The following PDZD2 variants were observed in gnomAD, a reference collection of about 807,000 sequenced individuals.
PDZD2 encodes the protein PDZ domain-containing protein 2.
PDZD2 carries 90 observed loss-of-function variants against 220.7 expected under a neutral mutation model. The observed-to-expected ratio is 0.41, with a 90% CI of 0.34 to 0.49. The LOEUF (loss-of-function observed/expected upper bound fraction) is 0.49. Among genes scored for constraint, PDZD2 ranks in the 20% least tolerant of loss-of-function variants. PDZD2 has a pLI of 0.28. For synonymous variants in PDZD2, 1,375 were observed against 1,450.5 expected, an observed-to-expected ratio of 0.95 and a Z score of 1.18; for missense variants, 3,174 against 3,608.5, an observed-to-expected ratio of 0.88 and a Z score of 3.08.
Position 32,088,412 on chromosome 5 carries a change from C to T in PDZD2, c.4964C>T (p.Ser1655Leu), listed in dbSNP as rs767136487. Reference sequence around the variant, plus strand: ...GAGAAGGCCGCCTGCTTGCCAGGCTCATACACTTCAGGCCCAGACTCTTCC... The same window carrying T: ...GAGAAGGCCGCCTGCTTGCCAGGCTTATACACTTCAGGCCCAGACTCTTCC... Reference protein sequence around the residue: ...PREKAACLPGSYTSGPDSSQP... With the variant: ...PREKAACLPGLYTSGPDSSQP... The change falls in exon 20 of 25, where the codon TCA (serine) becomes TTA (leucine). Residue 1655 changes from serine to leucine, a missense_variant. Around this residue, in one of 4 missense-constraint regions of PDZD2, gnomAD observed 1,861 missense variants for 2,001.0 expected, o/e 0.93. Coordinates refer to ENST00000438447, the MANE Select transcript of PDZD2 (RefSeq NM_178140.4). The surrounding 1 kb of genome is among the most constrained non-coding windows in gnomAD (Gnocchi z 4.6). 3 of 1,614,040 alleles carry T rather than the reference C, an allele frequency of 1.9e-6. No individual in the cohort carries two copies. Among genetic ancestry groups the T allele is most frequent in the South Asian group, 1.1e-5 (1 of 91,072 alleles).
At position 31,761,486 on chromosome 5, in the gene PDZD2, G is replaced by A. The variant is rs551347982; in HGVS notation, c.-360-37403G>A. Reference sequence around the variant, plus strand: ...TAATTAGGAGAATGTTGGTATTCTCGGGGGAAAAAAAATGAGACTGTATTA... The same window carrying A: ...TAATTAGGAGAATGTTGGTATTCTCAGGGGAAAAAAAATGAGACTGTATTA... On this transcript the variant is annotated intron_variant, in intron 1 of 24. Transcript: ENST00000438447. Among the ~76,000 whole-genome samples, 80 of 151,582 alleles carry A rather than the reference G, an allele frequency of 5.3e-4. 1 individual carries two copies. In the South Asian group the frequency reaches 0.011, roughly 21 times the overall value.
intron 2 of PDZD2, among the ~76,000 whole-genome samples, chr5:31,825,292 C>T (rs969148258): frequency 1.3e-5 from 2 of 152,126 alleles, no homozygotes; most frequent in Non-Finnish European, 2.9e-5. Flanking sequence ...GAATGGCAGA[C>T]GTCAAGAGGA....
intron 1 of PDZD2, among the ~76,000 whole-genome samples, chr5:31,777,556 C>T (rs1752768783): frequency 6.6e-6 from 1 of 152,278 alleles, no homozygotes; most frequent in African/African-American, 2.4e-5. Flanking sequence ...CACGCGGGAT[C>T]CACTAGATGA....
At chr5:31,647,545 G>A (rs1310751309) in intron 1 of PDZD2, among the ~76,000 whole-genome samples, 2 of 152,140 alleles carry the variant, frequency 1.3e-5, no homozygotes, top group East Asian at 3.9e-4. Flanking sequence ...TCCTTGCACT[G>A]CTTCAGCCCA....
In PDZD2 at chr5:31,967,312, TG is replaced by T. The variant is rs1395238384; in HGVS notation, c.477-15842del. 3.9e-5 allele frequency among the ~76,000 whole-genome samples: 6 copies of T among 152,288 alleles called. No individual in the cohort carries two copies. In the South Asian group the frequency reaches 1.0e-3, roughly 26 times the overall value. On this transcript the variant is annotated intron_variant, in intron 2 of 24. Coordinates refer to ENST00000438447, the MANE Select transcript of PDZD2 (RefSeq NM_178140.4). ...TGAGATACATGGACCCACGGGAATC[TG>T]CCTTCTTTTAGAGTCACCTCTGAGG... is the stretch of plus-strand genomic sequence containing the variant.
intron 2 of PDZD2, among the ~76,000 whole-genome samples, chr5:31,964,816 C>T (rs562725860): frequency 6.6e-6 from 1 of 152,260 alleles, no homozygotes; most frequent in Admixed American, 6.5e-5. Flanking sequence ...CCCGGGTTCA[C>T]GCCATTCTCC....
intron 2 of PDZD2, among the ~76,000 whole-genome samples, chr5:31,922,710 C>T (rs1409649424): frequency 6.6e-6 from 1 of 152,082 alleles, no homozygotes; most frequent in Admixed American, 6.5e-5. Context: ...ACTCTGTCTA[C>T]CAGGCTGGAG....
chr5:32,011,007 T>G (rs1228648793), intron 6 of PDZD2, among the ~76,000 whole-genome samples: 2 of 39,854 alleles, frequency 5.0e-5, no homozygotes, highest in Admixed American at 3.4e-4. Flanking sequence ...CAAAAACCTC[T>G]CAAAAAAAAA....
chr5:31,821,562 G>C (rs1194882650), intron 2 of PDZD2, among the ~76,000 whole-genome samples: 1 of 152,036 alleles, frequency 6.6e-6, no homozygotes, highest in Non-Finnish European at 1.5e-5. Context: ...TGTATTTTTA[G>C]TAGAGACGGG....
chr5:31,849,267 A>G lies in PDZD2; in HGVS notation c.476+49543A>G, dbSNP rs571571335. On this transcript the variant is annotated intron_variant, in intron 2 of 24. Transcript: ENST00000438447. ...ACGCACACCCTTTTGAGTCAGACCA[A>G]ATGGGTTTGAATTAGGACTCCAGCA... Among the ~76,000 whole-genome samples, 3 of 152,154 alleles carry G rather than the reference A, an allele frequency of 2.0e-5. No individual in the cohort carries two copies. In the South Asian group the frequency reaches 6.2e-4, roughly 32 times the overall value.
rs556104468 is a variant in PDZD2, at chr5:31,674,244, C to T, written c.-361+34807C>T. On this transcript the variant is annotated intron_variant, in intron 1 of 24. Transcript: ENST00000438447. ...ATACAGTCTGTGAAAAGACAGGTAC[C>T]GGTCAGCAGTGAAGTTTCAGTCTAG... Among the ~76,000 whole-genome samples, 9 of 152,082 alleles carry T rather than the reference C, an allele frequency of 5.9e-5. No homozygotes were observed. The South Asian group carries it at 6.2e-4, about 11-fold the overall frequency.
At position 31,667,108 on chromosome 5, in the gene PDZD2, C is replaced by T. The variant is rs528081200; in HGVS notation, c.-361+27671C>T. On this transcript the variant is annotated intron_variant, in intron 1 of 24. Transcript: ENST00000438447. ...AAAACTAGCTGGGCGTGGTGGTGGG[C>T]GCCTGTAGTCCCAGCTACTCAGGAG... Among the ~76,000 whole-genome samples, 750 of 151,902 alleles carry T rather than the reference C, an allele frequency of 4.9e-3. 6 individuals carry two copies. Among genetic ancestry groups the T allele is most frequent in the Non-Finnish European group, 6.7e-3 (452 of 67,946 alleles).
chr5:32,000,711 T>A lies in PDZD2; in HGVS notation c.1254+440T>A, dbSNP rs1752038609. ...TTTTTATAGAGATGGGGTTTCTCCA[T>A]GTTGGTCAGGCTGGTCTCAAACTCC... On this transcript the variant is annotated intron_variant, in intron 5 of 24. Transcript: ENST00000438447. The surrounding 1 kb of genome is among the most constrained non-coding windows in gnomAD (Gnocchi z 4.5). Among the ~76,000 whole-genome samples the A allele has an allele frequency of 6.6e-6, 1 of 152,172 alleles. No homozygotes were observed. Among genetic ancestry groups the A allele is most frequent in the African/African-American group, 2.4e-5 (1 of 41,446 alleles).
intron 6 of PDZD2, among the ~76,000 whole-genome samples, chr5:32,025,117 TCA>T (rs907788919): frequency 6.6e-6 from 1 of 151,948 alleles, no homozygotes; most frequent in African/African-American, 2.4e-5. Context: ...GCCCATGAAC[TCA>T]ACACTATTCC....
chr5:31,763,831 A>C (rs1187466294), intron 1 of PDZD2, among the ~76,000 whole-genome samples: 1 of 151,150 alleles, frequency 6.6e-6, no homozygotes, highest in East Asian at 2.0e-4. Context: ...TGAAAATACA[A>C]AGAATTTGAA....
At chr5:31,764,612 G>T (rs1344883248) in intron 1 of PDZD2, among the ~76,000 whole-genome samples, 1 of 152,130 alleles carries the variant, frequency 6.6e-6, no homozygotes, top group Admixed American at 6.5e-5. Context: ...TCTCCTCCCT[G>T]AAAAAAAGTT....
chr5:31,721,459 A>G (rs1748785375), intron 1 of PDZD2, among the ~76,000 whole-genome samples: 1 of 150,814 alleles, frequency 6.6e-6, no homozygotes, highest in South Asian at 2.1e-4. Flanking sequence ...GGAAATATAC[A>G]GTGCCTTTTC....
At chr5:31,925,781 C>A (rs1744705456) in intron 2 of PDZD2, among the ~76,000 whole-genome samples, 1 of 146,720 alleles carries the variant, frequency 6.8e-6, no homozygotes, top group Non-Finnish European at 1.5e-5. Context: ...AAAGATAACC[C>A]ATTTACAAAG....
intron 2 of PDZD2, among the ~76,000 whole-genome samples, chr5:31,853,324 T>A (rs2150301268): frequency 6.6e-6 from 1 of 152,350 alleles, no homozygotes; most frequent in East Asian, 1.9e-4. Context: ...AGTGTTCTCC[T>A]AAACTCCATG....
Sources: allele counts gnomAD v4.1 joint callset (sites outside exome capture counted in the v4.1 genomes callset), GRCh38; gene constraint gnomAD v4.1.1; regional missense constraint gnomAD v4.1.1; non-coding constraint Gnocchi (gnomAD v3.1); transcripts MANE v1.5; gene names NCBI Gene and HGNC (gene_info 2026-07-23, HGNC 2026-07-21).